Variants in LIPC observed in about 807,000 individuals in gnomAD.
The protein encoded by LIPC is lipase C, hepatic type.
LIPC carries 44 observed loss-of-function variants against 50.7 expected under a neutral mutation model. The ratio of observed to expected loss-of-function variants is 0.87; its 90% CI spans 0.68 to 1.11. The LOEUF (loss-of-function observed/expected upper bound fraction) is 1.11. Ranked by LOEUF, LIPC falls within the 50% of genes most tolerant of loss-of-function variation. The pLI, the probability that LIPC is intolerant of heterozygous loss-of-function variation, is 0.00. For missense variants in LIPC, 697 were observed against 648.2 expected, an observed-to-expected ratio of 1.08 and a Z score of -0.82; for synonymous variants, 271 against 256.4, an observed-to-expected ratio of 1.06 and a Z score of -0.54.
At chr15:58,465,866 ACTAGG>A (rs1894543725) in intron 1 of LIPC, among the ~76,000 whole-genome samples, 1 of 152,186 alleles carries the variant, frequency 6.6e-6, no homozygotes, top group Non-Finnish European at 1.5e-5. Flanking sequence ...TACGTGGGAA[ACTAGG>A]GAGACAATCA....
At position 58,482,930 on chromosome 15, in the gene LIPC, G is replaced by T. The variant is rs79844095; in HGVS notation, c.88+50810G>T. 1.6e-4 allele frequency among the ~76,000 whole-genome samples: 25 copies of T among 152,266 alleles called. No individual in the cohort carries two copies. The East Asian group carries it at 3.5e-3, about 21-fold the overall frequency. ...TCATCCCAAGCCTTGCACAGACTGGGTGGTGATTCCTGAGGCCCAGAACCT... is the reference window on the plus strand; with the variant it reads ...TCATCCCAAGCCTTGCACAGACTGGTTGGTGATTCCTGAGGCCCAGAACCT... On this transcript the variant is annotated intron_variant, in intron 1 of 8. Transcript: ENST00000299022.
In LIPC at chr15:58,544,207, AG is replaced by A. The variant is rs1471527161; in HGVS notation, c.575-1533del. 3.3e-5 allele frequency among the ~76,000 whole-genome samples: 5 copies of A among 152,130 alleles called. No homozygotes were observed. In the South Asian group the frequency reaches 1.0e-3, roughly 32 times the overall value. On this transcript the variant is annotated intron_variant, in intron 4 of 8. Transcript: ENST00000299022. ...CAGAGGTCAGAGTCCACACCCAGCG[AG>A]GCAGCCTCAGGCCCAAGGCCCAGAA... is the stretch of plus-strand genomic sequence containing the variant.
chr15:58,451,638 C>T (rs866926223), intron 1 of LIPC, among the ~76,000 whole-genome samples: 1 of 152,304 alleles, frequency 6.6e-6, no homozygotes, highest in South Asian at 2.1e-4. Flanking sequence ...TCCTATCCAC[C>T]ACTTGGATAG....
intron 1 of LIPC, among the ~76,000 whole-genome samples, chr15:58,487,664 CT>C (rs1464080841): frequency 2.6e-5 from 4 of 152,316 alleles, no homozygotes; most frequent in Non-Finnish European, 5.9e-5. Flanking sequence ...CCAGAAATAG[CT>C]TTCTGTAGAG....
intron 1 of LIPC, among the ~76,000 whole-genome samples, chr15:58,465,179 G>A (rs1440803626): frequency 6.6e-6 from 1 of 152,148 alleles, no homozygotes; most frequent in Non-Finnish European, 1.5e-5. Context: ...TGTGTCAAGT[G>A]CACCCTACAT....
chr15:58,554,748 A>T (rs1893876313), intron 6 of LIPC, among the ~76,000 whole-genome samples: 1 of 152,196 alleles, frequency 6.6e-6, no homozygotes, highest in Non-Finnish European at 1.5e-5. Flanking sequence ...AGGAGGAAGA[A>T]GAAGAAGGAG....
In LIPC at chr15:58,441,042, A is replaced by AT. The variant is rs537053931; in HGVS notation, c.88+8924dup. Among the ~76,000 whole-genome samples, 31 of 152,294 alleles carry AT rather than the reference A, an allele frequency of 2.0e-4. No individual in the cohort carries two copies. The East Asian group carries it at 5.2e-3, about 26-fold the overall frequency. On this transcript the variant is annotated intron_variant, in intron 1 of 8. Transcript: ENST00000299022. ...TTAAAAGGCTGCCTTTCCCAGATGG[A>AT]TTGATAGACTTATCTCAGCCTGGCT...
At chr15:58,466,324 C>G (rs1172831648) in intron 1 of LIPC, among the ~76,000 whole-genome samples, 1 of 152,214 alleles carries the variant, frequency 6.6e-6, no homozygotes, top group Non-Finnish European at 1.5e-5. Context: ...TTCCCCCACA[C>G]TCTTTAAGGC....
chr15:58,494,017 A>T (rs1428286955), intron 1 of LIPC, among the ~76,000 whole-genome samples: 1 of 152,276 alleles, frequency 6.6e-6, no homozygotes, highest in East Asian at 1.9e-4. Flanking sequence ...GTACAGAGGT[A>T]AGACTCCACT....
At chr15:58,489,205 T>C (rs111896983) in intron 1 of LIPC, among the ~76,000 whole-genome samples, 997 of 42,594 alleles carry the variant, frequency 0.023, 15 homozygotes, top group African/African-American at 0.11. Context: ...CCATTAGGGA[T>C]TCATTTTGTT....
chr15:58,505,852 G>A (rs181162659), intron 1 of LIPC, among the ~76,000 whole-genome samples: 76 of 152,312 alleles, frequency 5.0e-4, no homozygotes, highest in Non-Finnish European at 7.3e-5. Context: ...TTTCATTAGG[G>A]GACTGCACTG....
intron 1 of LIPC, among the ~76,000 whole-genome samples, chr15:58,488,295 C>T (rs1238353631): frequency 6.6e-6 from 1 of 152,196 alleles, no homozygotes; most frequent in Non-Finnish European, 1.5e-5. Flanking sequence ...TTAGACTGCT[C>T]AATTCCTGAG....
intron 1 of LIPC, among the ~76,000 whole-genome samples, chr15:58,517,502 A>T (rs1202849632): frequency 2.6e-5 from 4 of 152,270 alleles, no homozygotes; most frequent in African/African-American, 9.6e-5. Context: ...TCTCACAAGC[A>T]TTTAAAAGAG....
intron 1 of LIPC, among the ~76,000 whole-genome samples, chr15:58,487,234 A>C (rs2140793178): frequency 6.6e-6 from 1 of 152,326 alleles, no homozygotes; most frequent in South Asian, 2.1e-4. Context: ...CCACTTCATA[A>C]CTAAATGATC....
intron 1 of LIPC, among the ~76,000 whole-genome samples, chr15:58,438,975 G>A (rs373603628): frequency 3.3e-5 from 5 of 152,340 alleles, no homozygotes; most frequent in South Asian, 4.1e-4. Context: ...GAATGCAAGC[G>A]GAGGCCTCTT....
chr15:58,441,840 C>A (rs1313982965), intron 1 of LIPC, among the ~76,000 whole-genome samples: 1 of 152,180 alleles, frequency 6.6e-6, no homozygotes, highest in African/African-American at 2.4e-5. Flanking sequence ...TCCTGTTAGT[C>A]AGAAGAGGGA....
chr15:58,463,590 C>T (rs1156467556), intron 1 of LIPC, among the ~76,000 whole-genome samples: 1 of 152,216 alleles, frequency 6.6e-6, no homozygotes, highest in Non-Finnish European at 1.5e-5. Flanking sequence ...GTCACCCATG[C>T]CCCTCCTCTA....
chr15:58,453,904 T>A (rs1185750245), intron 1 of LIPC, among the ~76,000 whole-genome samples: 3 of 150,324 alleles, frequency 2.0e-5, no homozygotes, highest in African/African-American at 7.4e-5. Flanking sequence ...AGAAAAAAAA[T>A]GGATAGAATG....
At chr15:58,528,890 T>C (rs777296765) in intron 1 of LIPC, among the ~76,000 whole-genome samples, 2 of 152,200 alleles carry the variant, frequency 1.3e-5, no homozygotes, top group African/African-American at 2.4e-5. Flanking sequence ...TCACTGCCAA[T>C]ACTAAAGCAG....
Sources: allele counts gnomAD v4.1 joint callset (sites outside exome capture counted in the v4.1 genomes callset), GRCh38; gene constraint gnomAD v4.1.1; transcripts MANE v1.5; gene names NCBI Gene and HGNC (gene_info 2026-07-23, HGNC 2026-07-21).